The following LRRIQ3 variants were observed in gnomAD, a reference collection of about 807,000 sequenced individuals.
LRRIQ3 encodes leucine rich repeats and IQ motif containing 3.
A neutral mutation model predicts 59.3 loss-of-function variants in LRRIQ3; 75 were observed. That is an observed-to-expected ratio of 1.26 (90% confidence interval 1.05 to 1.53). LRRIQ3 has a LOEUF of 1.53. LRRIQ3 is among the 40% of genes most tolerant of loss of function. The probability of loss-of-function intolerance (pLI) is 0.00; values close to 1 mark genes in which losing one functional copy is unlikely to be tolerated. For synonymous variants in LRRIQ3, 250 were observed against 231.3 expected (o/e 1.08, Z -0.73); for missense variants, 831 against 710.0 (o/e 1.17, Z -1.94).
intron 7 of LRRIQ3, among the ~76,000 whole-genome samples, chr1:74,029,890 T>C (rs961836483): frequency 6.6e-6 from 1 of 152,222 alleles, no homozygotes; most frequent in Non-Finnish European, 1.5e-5. Flanking sequence ...GTTATTGGTC[T>C]ATTAAGAGAT....
At chr1:74,047,649 G>A (rs1654245301) in intron 6 of LRRIQ3, among the ~76,000 whole-genome samples, 1 of 152,008 alleles carries the variant, frequency 6.6e-6, no homozygotes, top group Admixed American at 6.6e-5. Context: ...TACCATCTGT[G>A]AGCACACAGC....
At chr1:74,155,312 A>T (rs1648252784) in intron 4 of LRRIQ3, among the ~76,000 whole-genome samples, 1 of 152,242 alleles carries the variant, frequency 6.6e-6, no homozygotes, top group African/African-American at 2.4e-5. Flanking sequence ...TGCAAAGCTT[A>T]GCTACTGCAA....
intron 1 of LRRIQ3, among the ~76,000 whole-genome samples, chr1:74,195,199 G>T (rs534342923): frequency 6.6e-6 from 1 of 152,244 alleles, no homozygotes; most frequent in East Asian, 1.9e-4. Context: ...ACTGCAAAAA[G>T]ACAATTTTTG....
At chr1:74,112,171 T>C (rs554004054) in intron 4 of LRRIQ3, among the ~76,000 whole-genome samples, 1 of 152,224 alleles carries the variant, frequency 6.6e-6, no homozygotes, top group South Asian at 2.1e-4. Context: ...AGCCACTGCC[T>C]CCTCCTTCTG....
chr1:74,141,943 A>G (rs1647272473), intron 4 of LRRIQ3, among the ~76,000 whole-genome samples: 1 of 151,706 alleles, frequency 6.6e-6, no homozygotes, highest in African/African-American at 2.4e-5. Context: ...TTATTTTTAA[A>G]GGTGCTGAAT....
chr1:74,088,585 C>T (rs1646357213), intron 5 of LRRIQ3, among the ~76,000 whole-genome samples: 1 of 151,870 alleles, frequency 6.6e-6, no homozygotes, highest in Non-Finnish European at 1.5e-5. Flanking sequence ...AAATTTTTCT[C>T]AACAAATGGT....
At chr1:74,046,371 T>C (rs2100402957) in intron 6 of LRRIQ3, among the ~76,000 whole-genome samples, 1 of 152,252 alleles carries the variant, frequency 6.6e-6, no homozygotes, top group African/African-American at 2.4e-5. Flanking sequence ...GGTACCCTAA[T>C]TAATAAATGG....
chr1:74,098,387 C>A (rs759952662), intron 5 of LRRIQ3, among the ~76,000 whole-genome samples: 1 of 152,202 alleles, frequency 6.6e-6, no homozygotes, highest in African/African-American at 2.4e-5. Context: ...AATACAGGAG[C>A]ACCCAGATTC....
chr1:74,157,371 T>C (rs1271609593), intron 3 of LRRIQ3, among the ~76,000 whole-genome samples: 1 of 152,096 alleles, frequency 6.6e-6, no homozygotes, highest in East Asian at 1.9e-4. Flanking sequence ...ATTGGCACTC[T>C]ATTATGAGTC....
At chr1:74,088,393 T>G (rs1646354380) in intron 5 of LRRIQ3, among the ~76,000 whole-genome samples, 2 of 152,060 alleles carry the variant, frequency 1.3e-5, no homozygotes, top group African/African-American at 4.8e-5. Context: ...CCATTGAAGA[T>G]TCTTAAGATT....
chr1:74,184,525 T>C (rs1264951122), intron 1 of LRRIQ3, among the ~76,000 whole-genome samples: 2 of 152,158 alleles, frequency 1.3e-5, no homozygotes, highest in Non-Finnish European at 2.9e-5. Flanking sequence ...TAAATCAGTG[T>C]GATTCAAATG....
intron 6 of LRRIQ3, among the ~76,000 whole-genome samples, chr1:74,060,120 CCT>C (rs1025937184): frequency 2.0e-5 from 3 of 151,856 alleles, no homozygotes; most frequent in South Asian, 2.1e-4. Flanking sequence ...GGTAATGTCC[CCT>C]GTTTCATTTC....
At chr1:74,197,110 T>C (rs1651224660) in intron 1 of LRRIQ3, among the ~76,000 whole-genome samples, 1 of 152,226 alleles carries the variant, frequency 6.6e-6, no homozygotes, top group African/African-American at 2.4e-5. Flanking sequence ...AAGTTTTAAA[T>C]GTAAAACTAT....
intron 5 of LRRIQ3, among the ~76,000 whole-genome samples, chr1:74,103,790 C>CCCA (rs1553166551): frequency 1.3e-5 from 2 of 150,770 alleles, no homozygotes; most frequent in African/African-American, 4.9e-5. Context: ...CTGTCCTTCC[C>CCCA]CCCCCCGCCA....
rs149160631 is a variant in LRRIQ3, at chr1:74,187,604, C to T, written c.1-3920G>A. 2.0e-3 allele frequency among the ~76,000 whole-genome samples: 307 copies of T among 152,022 alleles called. 2 individuals are homozygous for T. The highest frequency in any genetic ancestry group is 6.7e-3 in the African/African-American group (279 of 41,440). On this transcript the variant is annotated intron_variant, in intron 1 of 7. Coordinates refer to ENST00000354431, the MANE Select transcript of LRRIQ3 (RefSeq NM_001105659.2). ...TCAAGGGTGAAGGTTGGGAGGGTCACGAGGTATAGAAGACTACATACTGGG... is the reference window on the plus strand; with the variant it reads ...TCAAGGGTGAAGGTTGGGAGGGTCATGAGGTATAGAAGACTACATACTGGG...
chr1:74,184,620 A>G (rs1391694535), intron 1 of LRRIQ3, among the ~76,000 whole-genome samples: 1 of 152,140 alleles, frequency 6.6e-6, no homozygotes, highest in African/African-American at 2.4e-5. Flanking sequence ...GCCTAAAACT[A>G]GAATCCTCCA....
rs1464003025 is a variant in LRRIQ3 at position 74,182,745 on chromosome 1, T to G, written c.366A>C (p.Pro122=). 6.2e-7 allele frequency: 1 copy of G among 1,612,594 alleles called. No homozygotes were observed. The highest frequency in any genetic ancestry group is 8.5e-7 in the Non-Finnish European group (1 of 1,178,906). Residue 122 remains proline (P), a synonymous_variant, in exon 3 of 8, where the codon CCA becomes CCC. Transcript: ENST00000354431. ...CAAACATAGTGAGGGCAATGAGGGT[T>G]GGACAGGCAGATAATACACATATAT... ...LKNICVLSAC[P]TLIALTMFDC...
At chr1:74,114,676 A>G (rs1214605882) in intron 4 of LRRIQ3, among the ~76,000 whole-genome samples, 1 of 151,922 alleles carries the variant, frequency 6.6e-6, no homozygotes, top group Non-Finnish European at 1.5e-5. Context: ...CGGAGCTTTC[A>G]GTGAGCAGAG....
chr1:74,109,920 T>C (rs969709178), intron 4 of LRRIQ3, among the ~76,000 whole-genome samples: 3 of 151,846 alleles, frequency 2.0e-5, no homozygotes, highest in African/African-American at 7.2e-5. Context: ...AAGGAACTTT[T>C]TAAATGAGGT....
Sources: allele counts gnomAD v4.1 joint callset (sites outside exome capture counted in the v4.1 genomes callset), GRCh38; gene constraint gnomAD v4.1.1; transcripts MANE v1.5; gene names NCBI Gene and HGNC (gene_info 2026-07-23, HGNC 2026-07-21).